The following TBCE variants were observed in gnomAD, a reference collection of about 807,000 sequenced individuals.
TBCE encodes the protein tubulin-specific chaperone E.
Under a neutral mutation model 77.0 loss-of-function variants are expected in TBCE, and 53 were observed. That is an observed-to-expected ratio of 0.69 (90% CI 0.55 to 0.87). The LOEUF (loss-of-function observed/expected upper bound fraction) is 0.87. TBCE is among the 40% of genes least tolerant of loss of function. The pLI is 0.00. For synonymous variants in TBCE, 235 were observed against 241.3 expected, an observed-to-expected ratio of 0.97 and a Z score of 0.24; for missense variants, 624 against 622.4, an observed-to-expected ratio of 1.00 and a Z score of -0.03.
At chr1:235,414,641 G>A (rs1165893657) in intron 4 of TBCE, 23 bp downstream of exon 4, 1 of 1,611,268 alleles carries the variant, frequency 6.2e-7, no homozygotes, top group Non-Finnish European at 8.5e-7. Context: ...TATAACGGCA[G>A]AGCTGACTTT....
intron 5 of TBCE, among the ~76,000 whole-genome samples, chr1:235,420,047 T>G (rs889291620): frequency 1.2e-4 from 18 of 150,172 alleles, no homozygotes; most frequent in African/African-American, 4.2e-4. Context: ...ATCGCGCCAG[T>G]GCACTCAGCC....
At chr1:235,371,920 T>C (rs1676986978) in intron 1 of TBCE, among the ~76,000 whole-genome samples, 2 of 152,200 alleles carry the variant, frequency 1.3e-5, no homozygotes, top group South Asian at 2.1e-4. Flanking sequence ...GTGATCTGCC[T>C]GCCTTGGCCT....
chr1:235,395,515 C>G (rs1249534498), intron 2 of TBCE, among the ~76,000 whole-genome samples: 4 of 149,924 alleles, frequency 2.7e-5, no homozygotes, highest in Non-Finnish European at 5.9e-5. Flanking sequence ...AGCCCCCCAG[C>G]CTTTAGTAAC....
rs181200879 is a variant in TBCE, at chr1:235,369,743, C to G, written c.-32+2239C>G. Among the ~76,000 whole-genome samples, 368 of 150,308 alleles carry G rather than the reference C, an allele frequency of 2.4e-3. 2 individuals are homozygous for G. Among genetic ancestry groups the G allele is most frequent in the African/African-American group, 8.9e-3 (362 of 40,790 alleles). On this transcript the variant is annotated intron_variant, in intron 1 of 16. Coordinates refer to ENST00000642610, the MANE Select transcript of TBCE (RefSeq NM_003193.5). ...TAGGGAGGCTGAGGCAGGAGAATTG[C>G]TTGAACCTGGGGGCAGGCGCGGAGG...
chr1:235,373,068 TC>T (rs1677072040), intron 1 of TBCE, among the ~76,000 whole-genome samples: 1 of 151,902 alleles, frequency 6.6e-6, no homozygotes. Context: ...TTGAGGTAGC[TC>T]AAACCTGTAA....
At chr1:235,448,012 C>T (rs1558399992) in intron 15 of TBCE, among the ~76,000 whole-genome samples, 5 of 151,980 alleles carry the variant, frequency 3.3e-5, no homozygotes, top group Admixed American at 3.3e-4. Context: ...AGTTCAAGAC[C>T]AGCCTGGCCA....
At chr1:235,385,763 CTT>C (rs1677962686) in intron 2 of TBCE, among the ~76,000 whole-genome samples, 1 of 152,108 alleles carries the variant, frequency 6.6e-6, no homozygotes, top group Non-Finnish European at 1.5e-5. Context: ...GGTCTTGACT[CTT>C]TATCCAATTT....
At position 235,449,866 on chromosome 1, in the gene TBCE, G is replaced by C. The variant is rs1682787847; in HGVS notation, c.*1104G>C. On this transcript the variant is annotated 3_prime_UTR_variant, in exon 17 of 17. Transcript: ENST00000642610. The stretch of plus-strand genomic sequence containing the variant: ...TTACTACTACAGATTTCTGAACTAG[G>C]CCAAGTTTTAACCAAAAACTATAGG... The C allele has an allele frequency of 5.1e-6, 1 of 197,200 alleles. No homozygotes were observed. The highest frequency in any genetic ancestry group is 1.1e-5 in the Non-Finnish European group (1 of 94,524). The allele number at this position is 197,200 out of a possible 1,614,324, so 12.2% of individuals were successfully genotyped here.
chr1:235,450,036 A>G lies in TBCE; in HGVS notation c.*1274A>G. 1 of 696,192 alleles carries G rather than the reference A, an allele frequency of 1.4e-6. No homozygotes were observed. Among genetic ancestry groups the G allele is most frequent in the Admixed American group, 3.2e-5 (1 of 31,006 alleles). The allele number at this position is 696,192 out of a possible 1,614,324, so 43.1% of individuals were successfully genotyped here. A position where few individuals can be genotyped will look rare whatever the true frequency, so the allele number is the denominator to read the frequency against. ...CTACAGTACAAGTTGATTTTTAAGG[A>G]AATTTGTGCAAACATTAAGAAACAC... On this transcript the variant is annotated 3_prime_UTR_variant, in exon 17 of 17. Coordinates refer to ENST00000642610, the MANE Select transcript of TBCE (RefSeq NM_003193.5).
intron 1 of TBCE, among the ~76,000 whole-genome samples, chr1:235,371,463 C>G (rs1676949172): frequency 6.6e-6 from 1 of 150,540 alleles, no homozygotes; most frequent in Admixed American, 6.7e-5. Flanking sequence ...GCAAGCTCTA[C>G]CTCCCGGGTT....
In TBCE at chr1:235,448,805, C is replaced by CT; in HGVS notation, c.*44dup. The CT allele has an allele frequency of 7.4e-7, 1 of 1,358,860 alleles. No individual in the cohort carries two copies. The highest frequency in any genetic ancestry group is 1.1e-6 in the Non-Finnish European group (1 of 950,540). The allele number at this position is 1,358,860 out of a possible 1,614,324, so 84.2% of individuals were successfully genotyped here. A position where few individuals can be genotyped will look rare whatever the true frequency, so the allele number is the denominator to read the frequency against. ...TTAAAGACCACACTGCTTATCGTGT[C>CT]TGGGGTTCACCGGAAATAAATGATT... On this transcript the variant is annotated 3_prime_UTR_variant, in exon 17 of 17. Transcript: ENST00000642610.
chr1:235,379,600 C>T (rs887965517), intron 1 of TBCE, among the ~76,000 whole-genome samples: 6 of 151,924 alleles, frequency 3.9e-5, no homozygotes, highest in Admixed American at 2.0e-4. Context: ...GACCCACATC[C>T]GTCATCACCC....
Position 235,427,159 on chromosome 1 carries a change from G to A in TBCE, c.480G>A (p.Leu160=). The A allele has an allele frequency of 6.2e-7, 1 of 1,613,670 alleles. No individual in the cohort carries two copies. The highest frequency in any genetic ancestry group is 1.1e-5 in the South Asian group (1 of 91,076). ...EACPNIRKVD[L]SKNLLSSWDE... ...TTTTAGATATCAGAAAGGTAGATTT[G>A]TCAAAAAACCTGTTGTCATCATGGG... Residue 160 remains leucine (L), a synonymous_variant, in exon 6 of 17, where the codon TTG becomes TTA. Transcript: ENST00000642610.
chr1:235,393,700 TAAAG>T (rs1390917098), intron 2 of TBCE, among the ~76,000 whole-genome samples: 2 of 152,170 alleles, frequency 1.3e-5, no homozygotes, highest in Non-Finnish European at 2.9e-5. Context: ...AATCTCTTCA[TAAAG>T]TATGTACAGC....
chr1:235,393,607 TG>T (rs1390856164), intron 2 of TBCE, among the ~76,000 whole-genome samples: 3 of 102,144 alleles, frequency 2.9e-5, no homozygotes, highest in African/African-American at 7.5e-5. Flanking sequence ...GAGTTTTAAA[TG>T]TTTTTTTTTC....
chr1:235,376,029 G>C (rs749970009), intron 1 of TBCE, among the ~76,000 whole-genome samples: 3 of 152,234 alleles, frequency 2.0e-5, no homozygotes, highest in Middle Eastern at 3.4e-3. Flanking sequence ...CTGGGTAACA[G>C]AGCGAGACTC....
At chr1:235,425,201 GC>G (rs1680639790) in intron 5 of TBCE, among the ~76,000 whole-genome samples, 1 of 152,018 alleles carries the variant, frequency 6.6e-6, no homozygotes, top group South Asian at 2.1e-4. Context: ...TAAGACCCAC[GC>G]CTGCTCATCC....
chr1:235,391,302 C>T (rs541617633), intron 2 of TBCE, among the ~76,000 whole-genome samples: 16 of 151,784 alleles, frequency 1.1e-4, no homozygotes, highest in Middle Eastern at 3.4e-3. Flanking sequence ...GGCAACATGG[C>T]GAAACCCTGT....
At chr1:235,441,569 T>C in intron 13 of TBCE, 1 of 534,038 alleles carries the variant, frequency 1.9e-6, no homozygotes, top group Middle Eastern at 3.7e-4. Context: ...TGAGTTTCAC[T>C]GGTCATTAAC....
Sources: allele counts gnomAD v4.1 joint callset (sites outside exome capture counted in the v4.1 genomes callset), GRCh38; gene constraint gnomAD v4.1.1; transcripts MANE v1.5; gene names NCBI Gene and HGNC (gene_info 2026-07-23, HGNC 2026-07-21).